ADARB2: variants seen among roughly 807,000 people sequenced by gnomAD.
The protein encoded by ADARB2 is adenosine deaminase RNA specific B2 (inactive), also known as inactive double-stranded RNA-specific editase B2.
Under a neutral mutation model 62.2 loss-of-function variants are expected in ADARB2, and 25 were observed. That is an observed-to-expected ratio of 0.40 (90% CI 0.29 to 0.56). ADARB2 has a LOEUF of 0.56. ADARB2 is among the 20% of genes least tolerant of loss of function. ADARB2 has a pLI of 0.43. For synonymous variants in ADARB2, 572 were observed against 500.8 expected, an observed-to-expected ratio of 1.14 and a Z score of -1.90; for missense variants, 1,071 against 1,077.4, an observed-to-expected ratio of 0.99 and a Z score of 0.08.
chr10:1,703,161 C>T (rs968581985), intron 1 of ADARB2, among the ~76,000 whole-genome samples: 7 of 151,706 alleles, frequency 4.6e-5, no homozygotes, highest in African/African-American at 1.7e-4. Context: ...CCAGATACAG[C>T]AATTAAAAGG....
At chr10:1,322,828 AT>A (rs1831807247) in intron 3 of ADARB2, among the ~76,000 whole-genome samples, 1 of 152,214 alleles carries the variant, frequency 6.6e-6, no homozygotes, top group African/African-American at 2.4e-5. Context: ...TAAGTGTATA[AT>A]TTTAAATTAT....
intron 4 of ADARB2, among the ~76,000 whole-genome samples, chr10:1,243,119 G>A (rs1334944669): frequency 4.6e-5 from 7 of 152,178 alleles, no homozygotes; most frequent in South Asian, 2.1e-4. Context: ...TAGGGAGTCC[G>A]TGTCATTAGA....
rs1832278624 is a variant in ADARB2, at chr10:1,363,289, C to T, written c.816G>A (p.Ala272=). 3.2e-6 allele frequency: 4 copies of T among 1,237,652 alleles called. No individual in the cohort carries two copies. Among genetic ancestry groups the T allele is most frequent in the Admixed American group, 8.6e-5 (2 of 23,198 alleles). 76.7% of individuals were successfully genotyped at this position (1,237,652 alleles called of 1,614,324 possible). ...DLVGPTPATP[A]APGERNPVVL... ...CCACGGGGTTGCGCTCGCCCGGGGC[C>T]GCGGGGGTGGCGGGGGTCGGGCCCA... is the stretch of plus-strand genomic sequence containing the variant. The change falls in exon 3 of 10, where the codon GCG becomes GCA. Residue 272 remains alanine (A), a synonymous_variant. Transcript: ENST00000381312.
intron 3 of ADARB2, among the ~76,000 whole-genome samples, chr10:1,344,792 G>A (rs922008688): frequency 6.6e-6 from 1 of 152,222 alleles, no homozygotes; most frequent in Non-Finnish European, 1.5e-5. Flanking sequence ...CCAGGAGGTT[G>A]GCGTCAGCAC....
rs139080126 is a variant in ADARB2 at position 1,481,987 on chromosome 10, G to T, written c.101-102827C>A. Among the ~76,000 whole-genome samples, 528 of 152,202 alleles carry T rather than the reference G, an allele frequency of 3.5e-3. 15 individuals carry two copies. Among genetic ancestry groups the T allele is most frequent in the Non-Finnish European group, 6.5e-4 (44 of 68,008 alleles). On this transcript the variant is annotated intron_variant, in intron 1 of 9. Transcript: ENST00000381312. ...GTGTACACATGGCCACTAAACATAT[G>T]AAAAGATGCTCAACATGACAAATTA...
At chr10:1,565,863 G>T (rs922429933) in intron 1 of ADARB2, among the ~76,000 whole-genome samples, 3 of 152,028 alleles carry the variant, frequency 2.0e-5, no homozygotes, top group African/African-American at 7.2e-5. Flanking sequence ...CTTCTCCGTG[G>T]TGGGCAGCAT....
chr10:1,564,784 C>T (rs117792790), intron 1 of ADARB2, among the ~76,000 whole-genome samples: 44,913 of 147,330 alleles, frequency 0.3, 7,483 homozygotes, highest in East Asian at 0.58. Flanking sequence ...CTTTTATTAC[C>T]TTTTTTTTTT....
At chr10:1,649,310 A>G (rs1270660710) in intron 1 of ADARB2, among the ~76,000 whole-genome samples, 1 of 152,196 alleles carries the variant, frequency 6.6e-6, no homozygotes, top group African/African-American at 2.4e-5. Flanking sequence ...ATTTGAAGGG[A>G]ATTTTCAAAG....
intron 7 of ADARB2, among the ~76,000 whole-genome samples, chr10:1,201,042 C>G (rs899141291): frequency 6.6e-6 from 1 of 152,174 alleles, no homozygotes; most frequent in Non-Finnish European, 1.5e-5. Context: ...CATTAATTAC[C>G]GAATCTACCT....
At chr10:1,732,687 C>T (rs1332838191) in intron 1 of ADARB2, among the ~76,000 whole-genome samples, 2 of 152,222 alleles carry the variant, frequency 1.3e-5, no homozygotes, top group Non-Finnish European at 2.9e-5. Context: ...GCCGGCGGTG[C>T]AGGACTGTGT....
rs983198176 is a variant in ADARB2 at position 1,181,190 on chromosome 10, T to C, written c.*2003A>G. The C allele has an allele frequency of 1.3e-5, 2 of 152,274 alleles. No homozygotes were observed. The highest frequency in any genetic ancestry group is 4.8e-5 in the African/African-American group (2 of 41,468). 9.4% of individuals were successfully genotyped at this position (152,274 alleles called of 1,614,324 possible). A position where few individuals can be genotyped will look rare whatever the true frequency, so the allele number is the denominator to read the frequency against. On this transcript the variant is annotated 3_prime_UTR_variant, in exon 10 of 10. Coordinates refer to ENST00000381312, the MANE Select transcript of ADARB2 (RefSeq NM_018702.4). The stretch of plus-strand genomic sequence containing the variant: ...TGGGTGGGAGACTTCAGCCAGGAGC[T>C]GGCCGTGCTCCCACGCATTCAGGGG...
intron 1 of ADARB2, among the ~76,000 whole-genome samples, chr10:1,462,767 ATG>A (rs1420681532): frequency 1.3e-5 from 2 of 149,648 alleles, no homozygotes; most frequent in African/African-American, 4.9e-5. Flanking sequence ...ATGTGTGTGC[ATG>A]TGTTTATGTG....
At chr10:1,265,113 T>C (rs1048555771) in intron 4 of ADARB2, among the ~76,000 whole-genome samples, 2 of 152,216 alleles carry the variant, frequency 1.3e-5, no homozygotes, top group Non-Finnish European at 2.9e-5. Context: ...GACCATCAGC[T>C]CTACATTTCA....
At chr10:1,485,700 C>T (rs929909107) in intron 1 of ADARB2, among the ~76,000 whole-genome samples, 2 of 152,188 alleles carry the variant, frequency 1.3e-5, no homozygotes, top group African/African-American at 4.8e-5. Flanking sequence ...GGAATAATAA[C>T]GCTCCGTCTA....
At chr10:1,600,822 T>C (rs1456263910) in intron 1 of ADARB2, among the ~76,000 whole-genome samples, 3 of 152,184 alleles carry the variant, frequency 2.0e-5, no homozygotes, top group African/African-American at 7.2e-5. Context: ...GGCAAATCTA[T>C]GATTCTCTGA....
At position 1,596,387 on chromosome 10, in the gene ADARB2, C is replaced by G. The variant is rs1228984777; in HGVS notation, c.100+140664G>C. On this transcript the variant is annotated intron_variant, in intron 1 of 9. Transcript: ENST00000381312. ...CCATGAAGAGGGATCCTTTTGGCCT[C>G]CCTGTAAGCATTACTGCTCTATAAA... Among the ~76,000 whole-genome samples the G allele has an allele frequency of 3.3e-5, 5 of 152,274 alleles. No homozygotes were observed. In the South Asian group the frequency reaches 8.3e-4, roughly 25 times the overall value.
chr10:1,340,204 GA>G (rs1832010934), intron 3 of ADARB2, among the ~76,000 whole-genome samples: 1 of 149,188 alleles, frequency 6.7e-6, no homozygotes, highest in East Asian at 2.0e-4. Flanking sequence ...ATCCACCAGA[GA>G]ACCACGCGCC....
chr10:1,735,108 C>A (rs1835284878), intron 1 of ADARB2, among the ~76,000 whole-genome samples: 1 of 152,200 alleles, frequency 6.6e-6, no homozygotes, highest in African/African-American at 2.4e-5. Flanking sequence ...GGCAGGTGCC[C>A]TGGGAAATTC....
At position 1,179,087 on chromosome 10, in the gene ADARB2, A is replaced by G. The variant is rs1836628067; in HGVS notation, c.*4106T>C. 1 of 152,106 alleles carries G rather than the reference A, an allele frequency of 6.6e-6. No homozygotes were observed. Among genetic ancestry groups the G allele is most frequent in the African/African-American group, 2.4e-5 (1 of 41,422 alleles). 9.4% of individuals were successfully genotyped at this position (152,106 alleles called of 1,614,324 possible). On this transcript the variant is annotated 3_prime_UTR_variant, in exon 10 of 10. Transcript: ENST00000381312. ...TGTCTTCAGTTGTTTTAAACAATAC[A>G]CTATAGACACATCTTGAAATTTATT...
Sources: gnomAD v4.1 joint callset for allele counts (sites outside exome capture counted in the v4.1 genomes callset) on GRCh38, gnomAD v4.1.1 for gene constraint, MANE v1.5 for transcripts, NCBI Gene and HGNC (gene_info 2026-07-23, HGNC 2026-07-21) for gene names.